The following PDE7B variants were observed in gnomAD, a reference collection of about 807,000 sequenced individuals.
PDE7B encodes 3',5'-cyclic-AMP phosphodiesterase 7B.
A neutral mutation model predicts 56.2 loss-of-function variants in PDE7B; 29 were observed. The ratio of observed to expected loss-of-function variants is 0.52; its 90% CI spans 0.38 to 0.70. The LOEUF (loss-of-function observed/expected upper bound fraction) is 0.70, where lower values mean the gene tolerates loss of function less well. Ranked by LOEUF, PDE7B falls within the 30% of genes least tolerant of loss-of-function variation. The probability of loss-of-function intolerance (pLI) is 0.00; values close to 1 mark genes in which losing one functional copy is unlikely to be tolerated. For synonymous variants in PDE7B, 197 were observed against 196.9 expected, an observed-to-expected ratio of 1.00 and a Z score of 0.00; for missense variants, 490 against 565.0, an observed-to-expected ratio of 0.87 and a Z score of 1.35.
At chr6:136,016,069 G>A (rs116523339) in intron 2 of PDE7B, among the ~76,000 whole-genome samples, 1,665 of 152,228 alleles carry the variant, frequency 0.011, 30 homozygotes, top group African/African-American at 0.037. Context: ...TAATGTTAGT[G>A]TTATAATTTA....
intron 2 of PDE7B, among the ~76,000 whole-genome samples, chr6:136,069,365 A>T (rs1777006750): frequency 6.6e-6 from 1 of 152,232 alleles, no homozygotes; most frequent in Non-Finnish European, 1.5e-5. Context: ...AAATATGTAC[A>T]TGTGAGGCTA....
chr6:136,156,191 G>GTGTGTGTGTT, intron 8 of PDE7B: 1 of 334,998 alleles, frequency 3.0e-6, no homozygotes, highest in South Asian at 2.5e-5. Flanking sequence ...GTGTGTGTGT[G>GTGTGTGTGTT]TGTGTGTGTG....
chr6:136,172,377 T>G (rs1464684809), intron 8 of PDE7B, among the ~76,000 whole-genome samples: 1 of 152,242 alleles, frequency 6.6e-6, no homozygotes, highest in Non-Finnish European at 1.5e-5. Flanking sequence ...TTTGCATTTC[T>G]CTGATGGCCA....
chr6:136,108,269 A>AAAGCACATTAATGATACAATCTG (rs1777684804), intron 2 of PDE7B, among the ~76,000 whole-genome samples: 1 of 152,174 alleles, frequency 6.6e-6, no homozygotes, highest in African/African-American at 2.4e-5. Context: ...AGCCGATTCT[A>AAAGCACATTAATGATACAATCTG]AAGCACATTA....
intron 2 of PDE7B, among the ~76,000 whole-genome samples, chr6:136,080,194 G>A (rs1234817354): frequency 6.6e-6 from 1 of 152,092 alleles, no homozygotes; most frequent in African/African-American, 2.4e-5. Context: ...TAAATTCCAA[G>A]CTCGTTCCAA....
At chr6:136,009,105 T>A (rs1775841265) in intron 2 of PDE7B, among the ~76,000 whole-genome samples, 1 of 152,106 alleles carries the variant, frequency 6.6e-6, no homozygotes, top group Admixed American at 6.5e-5. Flanking sequence ...CTTTCCCCAG[T>A]TCTTGTTTTT....
chr6:135,928,473 A>ATATATATATTTATTTATATATATATATT (rs1774233917), intron 1 of PDE7B, among the ~76,000 whole-genome samples: 2 of 114,476 alleles, frequency 1.7e-5, no homozygotes, highest in African/African-American at 6.2e-5. Flanking sequence ...ATTTATTTAT[A>ATATATATATTTATTTATATATATATATT]TATATATATT....
chr6:135,919,541 T>A (rs575025922), intron 1 of PDE7B, among the ~76,000 whole-genome samples: 18 of 152,362 alleles, frequency 1.2e-4, no homozygotes, highest in South Asian at 8.3e-4. Flanking sequence ...ACATCCCTAC[T>A]GTGACTACAT....
chr6:136,190,143 A>G (rs1309733206), intron 12 of PDE7B, among the ~76,000 whole-genome samples: 3 of 152,216 alleles, frequency 2.0e-5, no homozygotes, highest in Non-Finnish European at 2.9e-5. Flanking sequence ...AAGGTGAATG[A>G]TATTAGAAAT....
chr6:135,988,808 C>A (rs533295833), intron 2 of PDE7B, among the ~76,000 whole-genome samples: 3 of 152,138 alleles, frequency 2.0e-5, no homozygotes, highest in Non-Finnish European at 2.9e-5. Context: ...TAGGGGCCTA[C>A]ATTTTGTTTA....
At position 136,001,301 on chromosome 6, in the gene PDE7B, C is replaced by T. The variant is rs1295530308; in HGVS notation, c.82+53777C>T. Among the ~76,000 whole-genome samples, 3 of 152,210 alleles carry T rather than the reference C, an allele frequency of 2.0e-5. No individual in the cohort carries two copies. The East Asian group carries it at 5.8e-4, about 29-fold the overall frequency. On this transcript the variant is annotated intron_variant, in intron 2 of 12. Transcript: ENST00000308191. ...TCTAAAAAGCAGAGCACCTCTCCTC[C>T]TCCAAAGGAACGCAGTTCCTCACCA...
intron 2 of PDE7B, among the ~76,000 whole-genome samples, chr6:135,966,823 A>T (rs1207853636): frequency 6.6e-6 from 1 of 152,232 alleles, no homozygotes; most frequent in East Asian, 1.9e-4. Flanking sequence ...TAACTCGGTG[A>T]AAAGGAGACC....
Position 135,851,831 on chromosome 6 carries a change from GTTTC to G in PDE7B, c.-164_-161del, listed in dbSNP as rs897518231. 2.3e-4 allele frequency: 139 copies of G among 607,580 alleles called. No homozygotes were observed. Among genetic ancestry groups the G allele is most frequent in the African/African-American group, 1.6e-3 (83 of 52,680 alleles). The allele number at this position is 607,580 out of a possible 1,614,324, so 37.6% of individuals were successfully genotyped here. On this transcript the variant is annotated 5_prime_UTR_variant, in exon 1 of 13. Transcript: ENST00000308191. ...TCTCGATCTCCTTGTGTGCTTTTGTGTTTCTTTATTTCTTTTCCTTTTTTTTCTT... is the reference window on the plus strand; with the variant it reads ...TCTCGATCTCCTTGTGTGCTTTTGTGTTTATTTCTTTTCCTTTTTTTTCTT...
intron 2 of PDE7B, among the ~76,000 whole-genome samples, chr6:136,033,138 G>A (rs17065232): frequency 0.013 from 1,958 of 152,320 alleles, 30 homozygotes; most frequent in Middle Eastern, 0.041. Context: ...GGCACACACC[G>A]AAGTATCAGA....
intron 2 of PDE7B, among the ~76,000 whole-genome samples, chr6:136,041,157 G>A (rs1776406163): frequency 6.6e-6 from 1 of 152,112 alleles, no homozygotes; most frequent in Non-Finnish European, 1.5e-5. Context: ...TTTAAAGATG[G>A]TGTCATTGGC....
chr6:135,926,659 G>C (rs1403319872), intron 1 of PDE7B, among the ~76,000 whole-genome samples: 1 of 152,112 alleles, frequency 6.6e-6, no homozygotes, highest in Non-Finnish European at 1.5e-5. Context: ...CAGGAGAGAA[G>C]AGCAGGGGTA....
chr6:136,193,215 A>G lies in PDE7B; in HGVS notation c.*1375A>G, dbSNP rs1221194748. On this transcript the variant is annotated 3_prime_UTR_variant, in exon 13 of 13. Coordinates refer to ENST00000308191, the MANE Select transcript of PDE7B (RefSeq NM_018945.4). Reference sequence around the variant, plus strand: ...AACCATCAGGGAATTCCCTGCTCCCATGCCACACATTTGTCTATTATGGCT... The same window carrying G: ...AACCATCAGGGAATTCCCTGCTCCCGTGCCACACATTTGTCTATTATGGCT... The G allele has an allele frequency of 6.6e-6, 1 of 152,588 alleles. No individual in the cohort carries two copies. Among genetic ancestry groups the G allele is most frequent in the Non-Finnish European group, 1.5e-5 (1 of 68,026 alleles). The allele number at this position is 152,588 out of a possible 1,614,324, so 9.5% of individuals were successfully genotyped here. A position where few individuals can be genotyped will look rare whatever the true frequency, so the allele number is the denominator to read the frequency against.
intron 2 of PDE7B, among the ~76,000 whole-genome samples, chr6:135,970,531 C>T (rs1417663934): frequency 6.6e-6 from 1 of 152,072 alleles, no homozygotes. Context: ...TTCAGGAAGT[C>T]GAAATGGGGC....
intron 1 of PDE7B, among the ~76,000 whole-genome samples, chr6:135,935,361 C>T (rs1774404634): frequency 6.7e-6 from 1 of 150,330 alleles, no homozygotes; most frequent in African/African-American, 2.5e-5. Flanking sequence ...GCCTCAGATG[C>T]TAACTTCTTA....
Sources: allele counts gnomAD v4.1 joint callset (sites outside exome capture counted in the v4.1 genomes callset), GRCh38; gene constraint gnomAD v4.1.1; transcripts MANE v1.5; gene names NCBI Gene and HGNC (gene_info 2026-07-23, HGNC 2026-07-21).